ARHGAP39: variants seen among roughly 807,000 people sequenced by gnomAD.
ARHGAP39 encodes rho GTPase-activating protein 39.
In ARHGAP39, 44 loss-of-function variants were observed where a neutral mutation model predicts 106.9. The observed-to-expected ratio is 0.41, with a 90% confidence interval of 0.32 to 0.53. The LOEUF is 0.53. Among genes scored for constraint, ARHGAP39 ranks in the 20% least tolerant of loss-of-function variants. ARHGAP39 has a pLI of 0.21. For missense variants in ARHGAP39, 1,496 were observed against 1,577.3 expected, an observed-to-expected ratio of 0.95 and a Z score of 0.87; for synonymous variants, 768 against 693.2, an observed-to-expected ratio of 1.11 and a Z score of -1.69.
chr8:144,691,590 G>A, the ARHGAP39 span, among the ~76,000 whole-genome samples: 3 of 152,112 alleles, frequency 2.0e-5, no homozygotes, highest in Non-Finnish European at 4.4e-5. Flanking sequence ...CATAGGCTGA[G>A]TACTAGGGGG....
At chr8:144,595,666 T>C (rs1586591419) in intron 2 of ARHGAP39, among the ~76,000 whole-genome samples, 3 of 152,188 alleles carry the variant, frequency 2.0e-5, no homozygotes, top group Non-Finnish European at 2.9e-5. Flanking sequence ...TCTGGGAACA[T>C]GTGGAGGGTG....
intron 1 of ARHGAP39, among the ~76,000 whole-genome samples, 49 bp downstream of exon 1, chr8:144,685,637 G>T (rs1482979306): frequency 6.7e-6 from 1 of 148,626 alleles, no homozygotes; most frequent in Non-Finnish European, 1.5e-5. Flanking sequence ...CGGCCCCTCC[G>T]CCATCTTCTT....
chr8:144,675,737 C>G, intron 1 of ARHGAP39, among the ~76,000 whole-genome samples: 1 of 151,466 alleles, frequency 6.6e-6, no homozygotes, highest in Non-Finnish European at 1.5e-5. Flanking sequence ...GACGGTGCGT[C>G]TGGAGTTGTT....
upstream of ARHGAP39, among the ~76,000 whole-genome samples, chr8:144,685,972 G>A (rs537576728): frequency 5.3e-5 from 8 of 151,410 alleles, no homozygotes; most frequent in South Asian, 1.7e-3. Context: ...GCTGGCGCGC[G>A]GCATGCCGGG....
At position 144,534,195 on chromosome 8, in the gene ARHGAP39, C is replaced by T. The variant is rs61738488; in HGVS notation, c.2622G>A (p.Ala874=). The T allele has an allele frequency of 2.5e-4, 404 of 1,613,320 alleles. No homozygotes were observed. The highest frequency in any genetic ancestry group is 2.2e-4 in the East Asian group (10 of 44,862). ...KPYVEEPDGV[A]ISTYAKYCYH... ...AACAGTACTTGGCATACGTGCTTAT[C>T]GCCACCCCTGGAAAGGAAAGGGGCC... Residue 874 remains alanine (A), a synonymous_variant, in exon 8 of 12, where the codon GCG becomes GCA. Transcript: ENST00000377307.
At chr8:144,648,902 G>C (rs1410973774) in intron 1 of ARHGAP39, among the ~76,000 whole-genome samples, 1 of 151,860 alleles carries the variant, frequency 6.6e-6, no homozygotes, top group Non-Finnish European at 1.5e-5. Flanking sequence ...CAGAAAGTTA[G>C]ACAGACCTCA....
intron 7 of ARHGAP39, among the ~76,000 whole-genome samples, chr8:144,534,601 G>C (rs1475906781): frequency 6.6e-6 from 1 of 152,210 alleles, no homozygotes; most frequent in East Asian, 1.9e-4. Flanking sequence ...TTAGGCTGTG[G>C]GCAGGAGCCC....
At chr8:144,536,807 AG>A (rs1457167136) in intron 7 of ARHGAP39, among the ~76,000 whole-genome samples, 1 of 152,208 alleles carries the variant, frequency 6.6e-6, no homozygotes, top group Non-Finnish European at 1.5e-5. Context: ...CTGGTCCCAG[AG>A]TTGGCCCTAA....
At chr8:144,676,852 G>A (rs996869620) in intron 1 of ARHGAP39, among the ~76,000 whole-genome samples, 14 of 152,258 alleles carry the variant, frequency 9.2e-5, no homozygotes, top group Admixed American at 2.0e-4. Context: ...CTCCTCCAGC[G>A]TGGCCAGAGC....
intron 3 of ARHGAP39, among the ~76,000 whole-genome samples, chr8:144,563,864 G>A (rs1564850396): frequency 6.6e-6 from 1 of 152,036 alleles, no homozygotes; most frequent in African/African-American, 2.4e-5. Context: ...TTTGTTGTAG[G>A]CTTGACAACA....
At chr8:144,613,964 G>A (rs998436604) in intron 1 of ARHGAP39, among the ~76,000 whole-genome samples, 1 of 152,058 alleles carries the variant, frequency 6.6e-6, no homozygotes, top group African/African-American at 2.4e-5. Flanking sequence ...TCTTTTCCTT[G>A]TTTCAGTTTG....
the ARHGAP39 span, among the ~76,000 whole-genome samples, chr8:144,693,598 C>A: frequency 6.6e-6 from 1 of 151,826 alleles, no homozygotes; most frequent in Non-Finnish European, 1.5e-5. Flanking sequence ...TCGTCTGGAT[C>A]TCCTGACCTC....
chr8:144,601,475 C>A (rs1352798927), intron 2 of ARHGAP39, among the ~76,000 whole-genome samples: 8 of 108,624 alleles, frequency 7.4e-5, no homozygotes, highest in Non-Finnish European at 1.1e-4. Context: ...GGTGTGTGTG[C>A]GAGCTCATGT....
At chr8:144,541,073 A>C (rs1817172066) in intron 6 of ARHGAP39, among the ~76,000 whole-genome samples, 1 of 152,166 alleles carries the variant, frequency 6.6e-6, no homozygotes, top group Non-Finnish European at 1.5e-5. Context: ...GCTGGTCTCG[A>C]ACTCTTGGCC....
rs1478439631 is a variant in ARHGAP39 at position 144,547,054 on chromosome 8, C to T, written c.1959+73G>A. 3.4e-6 allele frequency: 5 copies of T among 1,461,954 alleles called. No individual in the cohort carries two copies. Among genetic ancestry groups the T allele is most frequent in the Non-Finnish European group, 4.5e-6 (5 of 1,105,088 alleles). 90.6% of individuals were successfully genotyped at this position (1,461,954 alleles called of 1,614,324 possible). A position where few individuals can be genotyped will look rare whatever the true frequency, so the allele number is the denominator to read the frequency against. On this transcript the variant is annotated intron_variant, in intron 5 of 11. Transcript: ENST00000377307. This position sits in a 1 kb window ranked among gnomAD's most constrained non-coding sequence, Gnocchi z 5.2. ...GCCCTGGACGCCAGGTCTCCTGTGCCTGGCCCACGGGGTCCACTCTGACTG... is the reference window on the plus strand; with the variant it reads ...GCCCTGGACGCCAGGTCTCCTGTGCTTGGCCCACGGGGTCCACTCTGACTG...
chr8:144,614,755 C>T (rs564439563), intron 1 of ARHGAP39, among the ~76,000 whole-genome samples: 1 of 152,338 alleles, frequency 6.6e-6, no homozygotes, highest in Admixed American at 6.5e-5. Context: ...AGCATTTATT[C>T]TAGGGCTAAC....
chr8:144,562,163 C>T (rs913520506), intron 3 of ARHGAP39, among the ~76,000 whole-genome samples: 6 of 150,568 alleles, frequency 4.0e-5, no homozygotes, highest in Non-Finnish European at 8.8e-5. Flanking sequence ...TTCCATCAGA[C>T]CCCAGTGCTT....
chr8:144,538,031 G>T (rs1817034943), intron 6 of ARHGAP39, among the ~76,000 whole-genome samples: 1 of 152,234 alleles, frequency 6.6e-6, no homozygotes, highest in South Asian at 2.1e-4. Context: ...AAGCTGCCGT[G>T]CCTGTGCTGG....
chr8:144,549,551 G>A (rs111947741), intron 4 of ARHGAP39, among the ~76,000 whole-genome samples: 5 of 151,948 alleles, frequency 3.3e-5, no homozygotes, highest in Admixed American at 6.6e-5. Context: ...GGAGTATAGC[G>A]GCACGGTCTT....
Sources: allele counts gnomAD v4.1 joint callset (sites outside exome capture counted in the v4.1 genomes callset), GRCh38; gene constraint gnomAD v4.1.1; non-coding constraint Gnocchi (gnomAD v3.1); transcripts MANE v1.5; gene names NCBI Gene and HGNC (gene_info 2026-07-23, HGNC 2026-07-21).